Variants in PCDHA8 observed in about 807,000 individuals in gnomAD.
The protein encoded by PCDHA8 is protocadherin alpha 8.
A neutral mutation model predicts 61.8 loss-of-function variants in PCDHA8; 53 were observed. The ratio of observed to expected loss-of-function variants is 0.86; its 90% CI spans 0.69 to 1.08. The LOEUF is 1.08. Ranked by LOEUF, PCDHA8 falls within the 50% of genes least tolerant of loss-of-function variation. The pLI, the probability that PCDHA8 is intolerant of heterozygous loss-of-function variation, is 0.00. For missense variants in PCDHA8, 1,293 were observed against 1,245.0 expected (o/e 1.04, Z -0.58); for synonymous variants, 618 against 556.6 (o/e 1.11, Z -1.55).
chr5:140,855,965 A>G (rs2043700176), intron 1 of PCDHA8: 1 of 1,417,586 alleles, frequency 7.1e-7, no homozygotes, highest in Non-Finnish European at 9.6e-7. Flanking sequence ...AAAAATAGAT[A>G]TAAGAAATAG....
intron 1 of PCDHA8, among the ~76,000 whole-genome samples, chr5:140,950,924 T>C (rs1316182193): frequency 2.6e-5 from 4 of 152,104 alleles, no homozygotes; most frequent in Non-Finnish European, 5.9e-5. Flanking sequence ...TTCAGTTCTT[T>C]TTCTTTTCTT....
intron 1 of PCDHA8, among the ~76,000 whole-genome samples, chr5:140,908,277 T>C (rs2073893618): frequency 6.6e-6 from 1 of 152,162 alleles, no homozygotes; most frequent in Non-Finnish European, 1.5e-5. Context: ...CATGAGGCCA[T>C]TGTTGCAAGC....
intron 1 of PCDHA8, 114 bp downstream of exon 1, chr5:140,843,829 G>C: frequency 8.5e-7 from 1 of 1,170,244 alleles, no homozygotes; most frequent in Non-Finnish European, 1.2e-6. Context: ...TTTAAACATT[G>C]TTTAGTTTTT....
At chr5:140,946,059 G>T (rs979423479) in intron 1 of PCDHA8, among the ~76,000 whole-genome samples, 4 of 152,038 alleles carry the variant, frequency 2.6e-5, no homozygotes, top group Non-Finnish European at 4.4e-5. Flanking sequence ...CAGAATGGGA[G>T]AAAATATTTG....
At chr5:140,869,908 C>T (rs189065461) in intron 1 of PCDHA8, 51 of 1,610,528 alleles carry the variant, frequency 3.2e-5, no homozygotes, top group African/African-American at 2.4e-4. Flanking sequence ...CGCCACAGAC[C>T]GAGACGAAGG....
Position 140,876,248 on chromosome 5 carries a change from CAA to C in PCDHA8, c.2394+32534_2394+32535del, listed in dbSNP as rs782415667. On this transcript the variant is annotated intron_variant, in intron 1 of 3. Transcript: ENST00000531613. ...TTGTCTGAAAATGTCCAAAACGACA[CAA>C]GAGTGATCCAACTAAATGCTTCCGA... 1.9e-6 allele frequency: 3 copies of C among 1,613,868 alleles called. No homozygotes were observed. In the East Asian group the frequency reaches 6.7e-5, roughly 36 times the overall value.
At chr5:140,877,761 C>T (rs2057326734) in intron 1 of PCDHA8, 4 of 1,614,180 alleles carry the variant, frequency 2.5e-6, no homozygotes, top group Non-Finnish European at 8.5e-7. Flanking sequence ...CTGCAGAGAG[C>T]CCGCCCAAGA....
intron 3 of PCDHA8, among the ~76,000 whole-genome samples, chr5:141,006,150 G>A (rs1035867146): frequency 1.1e-4 from 16 of 151,274 alleles, no homozygotes; most frequent in Admixed American, 6.6e-5. Flanking sequence ...AAGCAGAGGA[G>A]TGATATAATC....
chr5:140,959,424 G>A (rs957625236), intron 1 of PCDHA8, among the ~76,000 whole-genome samples: 1 of 152,104 alleles, frequency 6.6e-6, no homozygotes, highest in Non-Finnish European at 1.5e-5. Context: ...CTGAGAATTT[G>A]TGTATTTTTT....
At chr5:140,882,950 C>G (rs1197710877) in intron 1 of PCDHA8, 1 of 1,614,098 alleles carries the variant, frequency 6.2e-7, no homozygotes, top group Non-Finnish European at 8.5e-7. Context: ...CACAGTTCAG[C>G]TGCTCATCAC....
In PCDHA8 at chr5:140,922,940, G is replaced by A. The variant is rs138846807; in HGVS notation, c.2395-56009G>A. 4.7e-3 allele frequency among the ~76,000 whole-genome samples: 717 copies of A among 152,280 alleles called. 4 individuals carry two copies. Among genetic ancestry groups the A allele is most frequent in the Middle Eastern group, 0.021 (6 of 292 alleles). On this transcript the variant is annotated intron_variant, in intron 1 of 3. Coordinates refer to ENST00000531613, the MANE Select transcript of PCDHA8 (RefSeq NM_018911.3). Reference sequence around the variant, plus strand: ...ACTTCAGACTTTTACTTCCAGCAATGGAAATCCAGTTTGTCTTCAGCCAGT... The same window carrying A: ...ACTTCAGACTTTTACTTCCAGCAATAGAAATCCAGTTTGTCTTCAGCCAGT...
chr5:140,941,199 C>CT (rs879983584), intron 1 of PCDHA8, among the ~76,000 whole-genome samples: 21,657 of 115,670 alleles, frequency 0.19, 2,171 homozygotes, highest in East Asian at 0.37. Flanking sequence ...TTTTTTCTTT[C>CT]TTCCTTTCTT....
In PCDHA8 at chr5:140,966,787, A is replaced by C. The variant is rs781920865; in HGVS notation, c.2395-12162A>C. 5.9e-5 allele frequency: 90 copies of C among 1,526,700 alleles called. No homozygotes were observed. Among genetic ancestry groups the C allele is most frequent in the Non-Finnish European group, 7.7e-5 (88 of 1,139,948 alleles). The allele number at this position is 1,526,700 out of a possible 1,614,324, so 94.6% of individuals were successfully genotyped here. On this transcript the variant is annotated intron_variant, in intron 1 of 3. Coordinates refer to ENST00000531613, the MANE Select transcript of PCDHA8 (RefSeq NM_018911.3). ...TGGCTATGGAGCAGGCGGGCACCAG[A>C]CCTGCGGCGACAGAGCATCCACGGC...
At chr5:140,969,253 C>T in intron 1 of PCDHA8, 3 of 1,614,202 alleles carry the variant, frequency 1.9e-6, no homozygotes, top group Non-Finnish European at 2.5e-6. Flanking sequence ...TGACTGACAG[C>T]AGGAATCTCA....
chr5:140,928,687 C>G (rs782599747), intron 1 of PCDHA8: 1 of 1,614,142 alleles, frequency 6.2e-7, no homozygotes, highest in Non-Finnish European at 8.5e-7. Flanking sequence ...GCTTTCCTAC[C>G]ACATCTCCCG....
At position 141,010,210 on chromosome 5, in the gene PCDHA8, G is replaced by A. The variant is rs2098416466; in HGVS notation, c.*273G>A. ...AGTTTCCTTTCTCCTCCGCCGCAAA[G>A]GAGAGGCTTCCCAGCCCCGCCAGTG... On this transcript the variant is annotated 3_prime_UTR_variant, in exon 4 of 4. Transcript: ENST00000531613. 4 of 1,551,736 alleles carry A rather than the reference G, an allele frequency of 2.6e-6. No homozygotes were observed. Among genetic ancestry groups the A allele is most frequent in the African/African-American group, 1.4e-5 (1 of 73,050 alleles).
At chr5:140,883,387 T>C in intron 1 of PCDHA8, 1 of 1,614,150 alleles carries the variant, frequency 6.2e-7, no homozygotes, top group Non-Finnish European at 8.5e-7. Flanking sequence ...CCCTAATCAG[T>C]GTGTCCGATC....
At chr5:140,909,235 A>G (rs1554193708) in intron 1 of PCDHA8, among the ~76,000 whole-genome samples, 1 of 152,182 alleles carries the variant, frequency 6.6e-6, no homozygotes, top group African/African-American at 2.4e-5. Flanking sequence ...TAGGATGGTA[A>G]AGATATATTG....
chr5:140,845,590 G>A (rs1475387499), intron 1 of PCDHA8, among the ~76,000 whole-genome samples: 3 of 149,560 alleles, frequency 2.0e-5, no homozygotes, highest in Non-Finnish European at 4.5e-5. Flanking sequence ...AAATGTGTCA[G>A]AAGTTAGTTA....
Sources: gnomAD v4.1 joint callset for allele counts (sites outside exome capture counted in the v4.1 genomes callset) on GRCh38, gnomAD v4.1.1 for gene constraint, MANE v1.5 for transcripts, NCBI Gene and HGNC (gene_info 2026-07-23, HGNC 2026-07-21) for gene names.